ZFP42: variants seen among roughly 807,000 people sequenced by gnomAD.
ZFP42 encodes the protein ZFP42 zinc finger protein.
For missense variants in ZFP42, 438 were observed against 377.1 expected, an observed-to-expected ratio of 1.16 and a Z score of -1.34; for synonymous variants, 175 against 144.6, an observed-to-expected ratio of 1.21 and a Z score of -1.51.
chr4:188,002,673 C>A (rs1733875459), intron 3 of ZFP42, 40 bp from the exon 4 acceptor site: 2 of 733,086 alleles, frequency 2.7e-6, no homozygotes, highest in East Asian at 2.6e-5. Context: ...GGCTCTAATA[C>A]TGGAATCTAT....
chr4:188,003,297 G>C lies in ZFP42; in HGVS notation c.490G>C (p.Asp164His), dbSNP rs774991492. ...AGGAATACCTGGCATTGACCTATCA[G>C]ATCCTAAACAGCTCGCAGAATTTGC... ...PGGIPGIDLS[D>H]PKQLAEFARK... Residue 164 changes from aspartate to histidine, a missense_variant, in exon 4 of 4, where the codon GAT (aspartate) becomes CAT (histidine). Transcript: ENST00000326866. The C allele has an allele frequency of 3.7e-6, 6 of 1,613,978 alleles. 1 individual carries two copies. In the African/African-American group the frequency reaches 4.0e-5, roughly 11 times the overall value.
At chr4:187,998,336 C>CAA (rs145899317) in intron 1 of ZFP42, among the ~76,000 whole-genome samples, 4 of 145,550 alleles carry the variant, frequency 2.7e-5, no homozygotes, top group Non-Finnish European at 1.5e-5. Context: ...AACTCTGTCT[C>CAA]AAAAAAAAAA....
At position 187,997,446 on chromosome 4, in the gene ZFP42, C is replaced by G. The variant is rs190995062; in HGVS notation, c.-339+1606C>G. On this transcript the variant is annotated intron_variant, in intron 1 of 3. Transcript: ENST00000326866. ...GTTTCACCATGTTGGCCAGGATGGT[C>G]TCGATCTCCTGACCTCGTGATCCGC... 3.7e-3 allele frequency among the ~76,000 whole-genome samples: 562 copies of G among 151,548 alleles called. 5 individuals carry two copies. Among genetic ancestry groups the G allele is most frequent in the African/African-American group, 0.013 (535 of 41,310 alleles).
intron 1 of ZFP42, among the ~76,000 whole-genome samples, chr4:187,997,591 C>T (rs1195057330): frequency 6.6e-6 from 1 of 151,788 alleles, no homozygotes; most frequent in African/African-American, 2.4e-5. Flanking sequence ...GTTTATTTGC[C>T]CTTTACTGTC....
At chr4:188,005,181 T>TA (rs1241443268), downstream of ZFP42, 1 of 164,454 alleles carries the variant, frequency 6.1e-6, no homozygotes, top group African/African-American at 2.4e-5. Context: ...AAGTTGGGCT[T>TA]ACGTGTGGTT....
chr4:187,997,526 C>A (rs1733650078), intron 1 of ZFP42, among the ~76,000 whole-genome samples: 1 of 151,892 alleles, frequency 6.6e-6, no homozygotes, highest in Non-Finnish European at 1.5e-5. Flanking sequence ...CGCTCCCGGT[C>A]CCACCCCGCC....
intron 1 of ZFP42, among the ~76,000 whole-genome samples, chr4:187,997,137 C>A (rs1249615405): frequency 6.6e-6 from 1 of 151,984 alleles, no homozygotes; most frequent in Non-Finnish European, 1.5e-5. Flanking sequence ...TTCCTCCTGC[C>A]CACATCTGGC....
Position 188,003,840 on chromosome 4 carries a change from A to G in ZFP42, c.*100A>G. 1 of 1,266,650 alleles carries G rather than the reference A, an allele frequency of 7.9e-7. No individual in the cohort carries two copies. Among genetic ancestry groups the G allele is most frequent in the Non-Finnish European group, 1.1e-6 (1 of 925,994 alleles). The allele number at this position is 1,266,650 out of a possible 1,614,324, so 78.5% of individuals were successfully genotyped here. A position where few individuals can be genotyped will look rare whatever the true frequency, so the allele number is the denominator to read the frequency against. On this transcript the variant is annotated 3_prime_UTR_variant, in exon 4 of 4. Transcript: ENST00000326866. ...GAAGGAATTTCTAAATCAATATTGC[A>G]ACCCCAAAAGCGGTTATAATTTGGT...
At chr4:187,997,671 A>C (rs1420813591) in intron 1 of ZFP42, among the ~76,000 whole-genome samples, 1 of 152,166 alleles carries the variant, frequency 6.6e-6, no homozygotes, top group Non-Finnish European at 1.5e-5. Flanking sequence ...ACCTAGAACG[A>C]ATACTAAATG....
intron 1 of ZFP42, among the ~76,000 whole-genome samples, chr4:187,996,730 C>T (rs1733586781): frequency 6.6e-6 from 1 of 152,164 alleles, no homozygotes; most frequent in Non-Finnish European, 1.5e-5. Flanking sequence ...TCTCCTCTGC[C>T]GCCATCTGCT....
intron 1 of ZFP42, among the ~76,000 whole-genome samples, chr4:187,996,958 C>T (rs935598616): frequency 3.3e-5 from 5 of 151,314 alleles, no homozygotes; most frequent in Non-Finnish European, 7.4e-5. Context: ...CTCGCCCCAG[C>T]CCCCACCTTC....
chr4:187,996,999 CATGGAGCG>C (rs1560911040), intron 1 of ZFP42, among the ~76,000 whole-genome samples: 22 of 36,844 alleles, frequency 6.0e-4, no homozygotes, highest in South Asian at 4.6e-3. Context: ...GAGCATGGAG[CATGGAGCG>C]TGGAGCGTGG....
In ZFP42 at chr4:188,003,989, A is replaced by T; in HGVS notation, c.*249A>T. 1 of 389,268 alleles carries T rather than the reference A, an allele frequency of 2.6e-6. No individual in the cohort carries two copies. 24.1% of individuals were successfully genotyped at this position (389,268 alleles called of 1,614,324 possible). On this transcript the variant is annotated 3_prime_UTR_variant, in exon 4 of 4. Coordinates refer to ENST00000326866, the MANE Select transcript of ZFP42 (RefSeq NM_174900.5). ...TATTTAGAACTTTGTGTGTTCTTAA[A>T]GTGTGCTTCCAACAGGAAGGTCAGT... is the stretch of plus-strand genomic sequence containing the variant.
rs1365593868 is a variant in ZFP42, at chr4:188,003,986, T to TAA, written c.*248_*249dup. Reference sequence around the variant, plus strand: ...TTTTATTTAGAACTTTGTGTGTTCTTAAAGTGTGCTTCCAACAGGAAGGTC... The same window carrying TAA: ...TTTTATTTAGAACTTTGTGTGTTCTTAAAAAGTGTGCTTCCAACAGGAAGGTC... On this transcript the variant is annotated 3_prime_UTR_variant, in exon 4 of 4. Coordinates refer to ENST00000326866, the MANE Select transcript of ZFP42 (RefSeq NM_174900.5). 1 of 394,292 alleles carries TAA rather than the reference T, an allele frequency of 2.5e-6. No individual in the cohort carries two copies. The highest frequency in any genetic ancestry group is 2.0e-5 in the African/African-American group (1 of 48,958). 24.4% of individuals were successfully genotyped at this position (394,292 alleles called of 1,614,324 possible).
rs1265863340 is a variant in ZFP42 at position 188,005,007 on chromosome 4, C to A, written c.*1267C>A. ...TTTGATAATGTTAGTCCATTTGAAT[C>A]CATTTTAGATATTTCACAATTAAAG... On this transcript the variant is annotated 3_prime_UTR_variant, in exon 4 of 4. Transcript: ENST00000326866. 6.0e-6 allele frequency: 1 copy of A among 166,962 alleles called. No homozygotes were observed. The highest frequency in any genetic ancestry group is 1.5e-5 in the Non-Finnish European group (1 of 68,104). 10.3% of individuals were successfully genotyped at this position (166,962 alleles called of 1,614,324 possible). A position where few individuals can be genotyped will look rare whatever the true frequency, so the allele number is the denominator to read the frequency against.
chr4:188,000,808 C>A (rs1418021810), intron 3 of ZFP42, among the ~76,000 whole-genome samples: 1 of 152,100 alleles, frequency 6.6e-6, no homozygotes, highest in Non-Finnish European at 1.5e-5. Context: ...ATGATGAAAT[C>A]CCGTATCTAC....
rs150443658 is a variant in ZFP42 at position 187,996,610 on chromosome 4, A to G, written c.-339+770A>G. ...CAGGCGTGAGCCACCGCGCCGGGCG[A>G]GACTCATTCTTGATTCCTGTTTCCC... is the stretch of plus-strand genomic sequence containing the variant. On this transcript the variant is annotated intron_variant, in intron 1 of 3. Transcript: ENST00000326866. Among the ~76,000 whole-genome samples, 1,449 of 152,004 alleles carry G rather than the reference A, an allele frequency of 9.5e-3. 28 individuals are homozygous for G. Among genetic ancestry groups the G allele is most frequent in the African/African-American group, 0.032 (1,314 of 41,468 alleles).
At chr4:188,000,637 G>C (rs1174263496) in intron 3 of ZFP42, among the ~76,000 whole-genome samples, 2 of 152,084 alleles carry the variant, frequency 1.3e-5, no homozygotes, top group East Asian at 3.9e-4. Context: ...TGCTCACAAA[G>C]GGCTGGCATT....
chr4:187,997,387 C>A (rs996757198), intron 1 of ZFP42, among the ~76,000 whole-genome samples: 1 of 151,314 alleles, frequency 6.6e-6, no homozygotes, highest in Non-Finnish European at 1.5e-5. Context: ...GCGCCCGCCA[C>A]CACGCCCGAC....
Sources: allele counts gnomAD v4.1 joint callset (sites outside exome capture counted in the v4.1 genomes callset), GRCh38; gene constraint gnomAD v4.1.1; transcripts MANE v1.5; gene names NCBI Gene and HGNC (gene_info 2026-07-23, HGNC 2026-07-21).